GUCY1A2: variants seen among roughly 807,000 people sequenced by gnomAD.
The protein encoded by GUCY1A2 is guanylate cyclase 1 soluble subunit alpha 2, also known as guanylate cyclase soluble subunit alpha-2.
GUCY1A2 carries 27 observed loss-of-function variants against 63.5 expected under a neutral mutation model. That is an observed-to-expected ratio of 0.43 (90% CI 0.31 to 0.59). The LOEUF (loss-of-function observed/expected upper bound fraction) is 0.59, where lower values mean the gene tolerates loss of function less well. GUCY1A2 is among the 20% of genes least tolerant of loss of function. The probability of loss-of-function intolerance (pLI) is 0.11; values close to 1 mark genes in which losing one functional copy is unlikely to be tolerated. For synonymous variants in GUCY1A2, 364 were observed against 343.5 expected (o/e 1.06, Z -0.66); for missense variants, 768 against 913.3 (o/e 0.84, Z 2.05).
chr11:106,759,167 G>GAA (rs5794492), intron 6 of GUCY1A2, among the ~76,000 whole-genome samples: 13 of 140,708 alleles, frequency 9.2e-5, no homozygotes, highest in Middle Eastern at 3.7e-3. Flanking sequence ...TGAAATTATT[G>GAA]AAAAAAAAAA....
intron 1 of GUCY1A2, among the ~76,000 whole-genome samples, chr11:107,014,469 T>C (rs1385026832): frequency 6.6e-6 from 1 of 152,204 alleles, no homozygotes; most frequent in Non-Finnish European, 1.5e-5. Flanking sequence ...TGTCCAGAGA[T>C]ATGTAAGTTT....
At chr11:106,839,536 G>A (rs946789518) in intron 4 of GUCY1A2, among the ~76,000 whole-genome samples, 3 of 151,820 alleles carry the variant, frequency 2.0e-5, no homozygotes, top group African/African-American at 4.8e-5. Context: ...TATAAATCAC[G>A]CTACTATAAA....
In GUCY1A2 at chr11:106,775,660, G is replaced by A. The variant is rs779774904; in HGVS notation, c.1836+779C>T. The stretch of plus-strand genomic sequence containing the variant: ...TCTGCTATAATGCCAGAACTAGAAC[G>A]GTACTCATATTTTTAGCCATTTCCT... On this transcript the variant is annotated intron_variant, in intron 6 of 7. Transcript: ENST00000526355. Among the ~76,000 whole-genome samples, 61 of 152,062 alleles carry A rather than the reference G, an allele frequency of 4.0e-4. No individual in the cohort carries two copies. The Middle Eastern group carries it at 0.01, about 25-fold the overall frequency.
At chr11:106,786,547 G>A (rs1453141666) in intron 5 of GUCY1A2, among the ~76,000 whole-genome samples, 1 of 152,198 alleles carries the variant, frequency 6.6e-6, no homozygotes. Context: ...TGTCCATCGT[G>A]TGGAAAATAC....
At position 106,679,280 on chromosome 11, in the gene GUCY1A2, G is replaced by C. The variant is rs150609872; in HGVS notation, c.*8269C>G. 5.0e-4 allele frequency: 94 copies of C among 188,870 alleles called. No individual in the cohort carries two copies. Among genetic ancestry groups the C allele is most frequent in the African/African-American group, 2.1e-3 (92 of 42,984 alleles). The allele number at this position is 188,870 out of a possible 1,614,324, so 11.7% of individuals were successfully genotyped here. A position where few individuals can be genotyped will look rare whatever the true frequency, so the allele number is the denominator to read the frequency against. ...AACCACTTTTAAGTTTAGAAGACTA[G>C]AGTCTTCGTGTCTCACAGAATACCA... On this transcript the variant is annotated 3_prime_UTR_variant, in exon 8 of 8. Coordinates refer to ENST00000526355, the MANE Select transcript of GUCY1A2 (RefSeq NM_000855.3).
chr11:106,996,997 C>T (rs1861547894), intron 1 of GUCY1A2, among the ~76,000 whole-genome samples: 1 of 152,102 alleles, frequency 6.6e-6, no homozygotes, highest in Admixed American at 6.6e-5. Flanking sequence ...AGAATAATCA[C>T]TTTTTCTGGA....
At chr11:106,748,622 T>G (rs1160378547) in intron 6 of GUCY1A2, among the ~76,000 whole-genome samples, 1 of 152,240 alleles carries the variant, frequency 6.6e-6, no homozygotes, top group African/African-American at 2.4e-5. Flanking sequence ...ACCATGCTAC[T>G]CTATTTTCTA....
chr11:106,937,036 T>C (rs921086271), intron 4 of GUCY1A2, among the ~76,000 whole-genome samples: 72 of 152,126 alleles, frequency 4.7e-4, no homozygotes, highest in African/African-American at 1.5e-3. Flanking sequence ...GACTTACTAA[T>C]TTAAAAATGT....
chr11:106,908,949 G>C (rs1053748797), intron 4 of GUCY1A2, among the ~76,000 whole-genome samples: 5 of 152,004 alleles, frequency 3.3e-5, no homozygotes, highest in Admixed American at 6.6e-5. Flanking sequence ...TGGAATTGCT[G>C]TTGTACACAA....
intron 4 of GUCY1A2, among the ~76,000 whole-genome samples, chr11:106,864,270 C>CT (rs982271247): frequency 6.6e-6 from 1 of 151,694 alleles, no homozygotes; most frequent in Non-Finnish European, 1.5e-5. Context: ...CTACCCAGGA[C>CT]TTTTTTTAAA....
In GUCY1A2 at chr11:107,017,902, C is replaced by A; in HGVS notation, c.154G>T (p.Ala52Ser). Reference sequence around the variant, plus strand: ...GCCGGGGCGGCGGCAGCGGCAGCTGCGGCCGGGCTGGGCTCCAGCGGCCCG... The same window carrying A: ...GCCGGGGCGGCGGCAGCGGCAGCTGAGGCCGGGCTGGGCTCCAGCGGCCCG... ...PPGPLEPSPAAAAAAAAPAPT... is the reference protein window; with the variant it reads ...PPGPLEPSPASAAAAAAPAPT... The change falls in exon 1 of 8, where the codon GCA becomes TCA. Residue 52 changes from alanine to serine, a missense_variant. Ala to Ser is a moderately conservative substitution (Grantham distance 99). Transcript: ENST00000526355. The A allele has an allele frequency of 1.6e-6, 2 of 1,253,006 alleles. No homozygotes were observed. The highest frequency in any genetic ancestry group is 2.0e-6 in the Non-Finnish European group (2 of 996,254). The allele number at this position is 1,253,006 out of a possible 1,614,324, so 77.6% of individuals were successfully genotyped here.
chr11:106,689,977 G>A (rs1334234599), intron 7 of GUCY1A2, among the ~76,000 whole-genome samples: 2 of 148,076 alleles, frequency 1.4e-5, no homozygotes, highest in African/African-American at 2.5e-5. Context: ...CTGGGTGACA[G>A]AGCGAGACTC....
intron 1 of GUCY1A2, among the ~76,000 whole-genome samples, chr11:107,017,171 G>C (rs1282808171): frequency 6.6e-6 from 1 of 152,158 alleles, no homozygotes; most frequent in Non-Finnish European, 1.5e-5. Flanking sequence ...TTGAACAGAA[G>C]GCAACTCAGA....
intron 5 of GUCY1A2, among the ~76,000 whole-genome samples, chr11:106,777,029 G>T (rs1465351302): frequency 6.6e-6 from 1 of 152,056 alleles, no homozygotes; most frequent in African/African-American, 2.4e-5. Context: ...TTTTTCGTCA[G>T]GTCTGTTCTT....
intron 7 of GUCY1A2, among the ~76,000 whole-genome samples, chr11:106,694,719 C>A (rs1862686775): frequency 1.3e-5 from 2 of 152,156 alleles, no homozygotes; most frequent in South Asian, 4.1e-4. Context: ...GCTGGTATGG[C>A]TGTGGCCACG....
At chr11:106,949,421 C>T (rs1181932394) in intron 3 of GUCY1A2, among the ~76,000 whole-genome samples, 2 of 152,110 alleles carry the variant, frequency 1.3e-5, no homozygotes, top group Admixed American at 6.6e-5. Flanking sequence ...GGCTTCTGTA[C>T]ATGGCTGGTT....
chr11:106,709,491 T>TATATAATAATATATATTCTATAA (rs1863009544), intron 6 of GUCY1A2, among the ~76,000 whole-genome samples: 2 of 65,078 alleles, frequency 3.1e-5, no homozygotes, highest in African/African-American at 8.8e-5. Flanking sequence ...TATATTTATA[T>TATATAATAATATATATTCTATAA]ATATATAATA....
At chr11:106,853,450 C>G (rs2135452058) in intron 4 of GUCY1A2, among the ~76,000 whole-genome samples, 1 of 151,932 alleles carries the variant, frequency 6.6e-6, no homozygotes, top group Admixed American at 6.6e-5. Context: ...TTGAAGATAT[C>G]AATTGTATTT....
intron 4 of GUCY1A2, among the ~76,000 whole-genome samples, chr11:106,833,126 G>T (rs1373352773): frequency 6.6e-6 from 1 of 152,032 alleles, no homozygotes; most frequent in Non-Finnish European, 1.5e-5. Flanking sequence ...CCCTGTGTTT[G>T]TGTCTGTGTC....
Sources: gnomAD v4.1 joint callset for allele counts (sites outside exome capture counted in the v4.1 genomes callset) on GRCh38, gnomAD v4.1.1 for gene constraint, MANE v1.5 for transcripts, NCBI Gene and HGNC (gene_info 2026-07-23, HGNC 2026-07-21) for gene names.